KCNA4: variants seen among roughly 807,000 people sequenced by gnomAD.
KCNA4 encodes the protein potassium voltage-gated channel subfamily A member 4, also known as cardiac potassium channel.
KCNA4 carries 5 observed loss-of-function variants against 37.2 expected under a neutral mutation model. The ratio of observed to expected loss-of-function variants is 0.13; its 90% confidence interval spans 0.07 to 0.28. The LOEUF (loss-of-function observed/expected upper bound fraction) is 0.28. Among genes scored for constraint, KCNA4 ranks in the 10% least tolerant of loss-of-function variants. The probability of loss-of-function intolerance (pLI) is 1.00; values close to 1 mark genes in which losing one functional copy is unlikely to be tolerated. For missense variants in KCNA4, 634 were observed against 817.4 expected, an observed-to-expected ratio of 0.78 and a Z score of 2.74; for synonymous variants, 350 against 311.8, an observed-to-expected ratio of 1.12 and a Z score of -1.29.
chr11:30,010,676 T>C lies in KCNA4; in HGVS notation c.*41A>G. The C allele has an allele frequency of 6.4e-7, 1 of 1,552,150 alleles. No individual in the cohort carries two copies. The highest frequency in any genetic ancestry group is 1.3e-5 in the South Asian group (1 of 78,086). The stretch of plus-strand genomic sequence containing the variant: ...TGCACTCTCTATGCATAAATATATT[T>C]GGAGATGCTGAGGGGGGAGCAGTGG... On this transcript the variant is annotated 3_prime_UTR_variant, in exon 2 of 2. Coordinates refer to ENST00000328224, the MANE Select transcript of KCNA4 (RefSeq NM_002233.4).
rs1205749781 is a variant in KCNA4, at chr11:30,013,280, C to A, written c.-602G>T. The A allele has an allele frequency of 6.0e-6, 1 of 167,082 alleles. No individual in the cohort carries two copies. The highest frequency in any genetic ancestry group is 1.9e-4 in the East Asian group (1 of 5,190). The allele number at this position is 167,082 out of a possible 1,614,324, so 10.3% of individuals were successfully genotyped here. A position where few individuals can be genotyped will look rare whatever the true frequency, so the allele number is the denominator to read the frequency against. ...ATTCTCCAGGCTCTCCTTTTAAGTT[C>A]ATCAAAGGCTTCCTGTACCCAGGTA... On this transcript the variant is annotated 5_prime_UTR_variant, in exon 2 of 2. It removes an upstream start codon present in the reference 5' UTR. Transcript: ENST00000328224.
At chr11:30,014,928 AT>A (rs1486832228) in intron 1 of KCNA4, among the ~76,000 whole-genome samples, 3 of 152,158 alleles carry the variant, frequency 2.0e-5, no homozygotes. Flanking sequence ...TTCTGAAGCC[AT>A]TAACAGGATT....
chr11:30,016,933 A>T lies in KCNA4; in HGVS notation c.-1144T>A. On this transcript the variant is annotated 5_prime_UTR_variant, in exon 1 of 2. An upstream open reading frame in the 5' UTR loses its in-frame stop. Coordinates refer to ENST00000328224, the MANE Select transcript of KCNA4 (RefSeq NM_002233.4). ...AACAAAATCCTAGACAGCAGCGATC[A>T]CTTGTTAAGCCCGAATTCCTCCTCC... 1 of 398,852 alleles carries T rather than the reference A, an allele frequency of 2.5e-6. No individual in the cohort carries two copies. Among genetic ancestry groups the T allele is most frequent in the Non-Finnish European group, 4.4e-6 (1 of 226,258 alleles). 24.7% of individuals were successfully genotyped at this position (398,852 alleles called of 1,614,324 possible). A position where few individuals can be genotyped will look rare whatever the true frequency, so the allele number is the denominator to read the frequency against.
At chr11:30,014,903 A>G (rs887069398) in intron 1 of KCNA4, among the ~76,000 whole-genome samples, 7 of 152,284 alleles carry the variant, frequency 4.6e-5, no homozygotes, top group African/African-American at 1.7e-4. Context: ...CTTGGAAAGC[A>G]TAAGAGAAAT....
chr11:30,010,696 C>G lies in KCNA4; in HGVS notation c.*21G>C. On this transcript the variant is annotated 3_prime_UTR_variant, in exon 2 of 2. Transcript: ENST00000328224. Reference sequence around the variant, plus strand: ...ATATTTGGAGATGCTGAGGGGGGAGCAGTGGCAGGTGGAAAAAGATTCACA... The same window carrying G: ...ATATTTGGAGATGCTGAGGGGGGAGGAGTGGCAGGTGGAAAAAGATTCACA... 6.4e-7 allele frequency: 1 copy of G among 1,571,570 alleles called. No homozygotes were observed. The highest frequency in any genetic ancestry group is 8.6e-7 in the Non-Finnish European group (1 of 1,161,352).
chr11:30,013,047 C>T lies in KCNA4; in HGVS notation c.-369G>A, dbSNP rs1023124982. The T allele has an allele frequency of 4.1e-5, 8 of 192,816 alleles. No individual in the cohort carries two copies. Among genetic ancestry groups the T allele is most frequent in the East Asian group, 1.5e-4 (1 of 6,628 alleles). 11.9% of individuals were successfully genotyped at this position (192,816 alleles called of 1,614,324 possible). A position where few individuals can be genotyped will look rare whatever the true frequency, so the allele number is the denominator to read the frequency against. On this transcript the variant is annotated 5_prime_UTR_variant, in exon 2 of 2. Transcript: ENST00000328224. Reference sequence around the variant, plus strand: ...GTGATGTTGCTGCAAGATTCAAAGGCAGCAAGTGTCTGACAGCCAGAAGTT... The same window carrying T: ...GTGATGTTGCTGCAAGATTCAAAGGTAGCAAGTGTCTGACAGCCAGAAGTT...
Position 30,011,178 on chromosome 11 carries a change from C to T in KCNA4, c.1501G>A (p.Ala501Thr), listed in dbSNP as rs757484309. 6.2e-7 allele frequency: 1 copy of T among 1,614,130 alleles called. No homozygotes were observed. ...TGGAAATGGGTAGTAGGTTCATCCG[C>T]CTCTGCAAAATACACAGCACTAGAA... ...LFSSAVYFAE[A>T]DEPTTHFQSI... The change falls in exon 2 of 2, where the codon GCG (alanine) becomes ACG (threonine). Residue 501 changes from alanine (A) to threonine (T), a missense_variant. By Grantham distance (58) the Ala-to-Thr change is moderately conservative (BLOSUM62 0). Coordinates refer to ENST00000328224, the MANE Select transcript of KCNA4 (RefSeq NM_002233.4). The surrounding 1 kb of genome is among the most constrained non-coding windows in gnomAD (Gnocchi z 5.6).
At position 30,012,916 on chromosome 11, in the gene KCNA4, GC is replaced by G. The variant is rs1374047070; in HGVS notation, c.-239del. 2 of 466,022 alleles carry G rather than the reference GC, an allele frequency of 4.3e-6. No individual in the cohort carries two copies. The highest frequency in any genetic ancestry group is 7.4e-6 in the Non-Finnish European group (2 of 269,638). 28.9% of individuals were successfully genotyped at this position (466,022 alleles called of 1,614,324 possible). On this transcript the variant is annotated 5_prime_UTR_variant, in exon 2 of 2. Transcript: ENST00000328224. ...AGAGCTTGGCTGGTCGAGATAAATAGCCTGGCACTCTCAAGACTAAGAAGTC... is the reference window on the plus strand; with the variant it reads ...AGAGCTTGGCTGGTCGAGATAAATAGCTGGCACTCTCAAGACTAAGAAGTC...
Position 30,016,929 on chromosome 11 carries a change from G to A in KCNA4, c.-1140C>T, listed in dbSNP as rs1417541739. The A allele has an allele frequency of 2.5e-6, 1 of 398,842 alleles. No homozygotes were observed. The highest frequency in any genetic ancestry group is 2.1e-5 in the African/African-American group (1 of 48,748). 24.7% of individuals were successfully genotyped at this position (398,842 alleles called of 1,614,324 possible). A position where few individuals can be genotyped will look rare whatever the true frequency, so the allele number is the denominator to read the frequency against. On this transcript the variant is annotated 5_prime_UTR_variant, in exon 1 of 2. Coordinates refer to ENST00000328224, the MANE Select transcript of KCNA4 (RefSeq NM_002233.4). ...AAGAAACAAAATCCTAGACAGCAGCGATCACTTGTTAAGCCCGAATTCCTC... is the reference window on the plus strand; with the variant it reads ...AAGAAACAAAATCCTAGACAGCAGCAATCACTTGTTAAGCCCGAATTCCTC...
Position 30,012,421 on chromosome 11 carries a change from C to T in KCNA4, c.258G>A (p.Arg86=), listed in dbSNP as rs540569438. 1 of 1,613,688 alleles carries T rather than the reference C, an allele frequency of 6.2e-7. No homozygotes were observed. Among genetic ancestry groups the T allele is most frequent in the Admixed American group, 1.7e-5 (1 of 60,006 alleles). Residue 86 remains arginine (R), a synonymous_variant, in exon 2 of 2, where the codon AGG becomes AGA. Coordinates refer to ENST00000328224, the MANE Select transcript of KCNA4 (RefSeq NM_002233.4). ...PQSSRGSRRR[R]RQRSEKKKAH... ...CTTTCTTCTTCTCAGACCGCTGTCG[C>T]CTCCTCCTCCGACTACCCCGGCTGC...
Position 30,011,723 on chromosome 11 carries a change from A to G in KCNA4, c.956T>C (p.Ile319Thr), listed in dbSNP as rs1176398747. 6.2e-7 allele frequency: 1 copy of G among 1,613,938 alleles called. No individual in the cohort carries two copies. The highest frequency in any genetic ancestry group is 1.7e-5 in the Admixed American group (1 of 59,972). ...IAIVSVLVIL[I>T]SIVIFCLETL... The stretch of plus-strand genomic sequence containing the variant: ...TTCCAGGCAAAAGATGACAATGGAG[A>G]TTAAGATGACCAGGACGGACACAAT... Residue 319 changes from isoleucine to threonine, a missense_variant, in exon 2 of 2, where the codon ATC becomes ACC. By Grantham distance (89) the Ile-to-Thr change is moderately conservative. This residue lies in a region of KCNA4 where 252 missense variants were observed against 344.2 expected (regional missense o/e 0.73). Coordinates refer to ENST00000328224, the MANE Select transcript of KCNA4 (RefSeq NM_002233.4). The surrounding 1 kb of genome is among the most constrained non-coding windows in gnomAD (Gnocchi z 5.6).
intron 1 of KCNA4, among the ~76,000 whole-genome samples, chr11:30,014,900 A>T (rs1437485843): frequency 2.0e-5 from 3 of 152,130 alleles, no homozygotes; most frequent in Non-Finnish European, 4.4e-5. Context: ...GCACTTGGAA[A>T]GCATAAGAGA....
In KCNA4 at chr11:30,011,625, T is replaced by C. The variant is rs1167185649; in HGVS notation, c.1054A>G (p.Asn352Asp). 3 of 1,613,928 alleles carry C rather than the reference T, an allele frequency of 1.9e-6. No individual in the cohort carries two copies. The highest frequency in any genetic ancestry group is 2.2e-5 in the South Asian group (2 of 91,052). Residue 352 changes from asparagine to aspartate, a missense_variant, in exon 2 of 2, where the codon AAT (asparagine) becomes GAT (aspartate). Asn to Asp is a conservative substitution (Grantham distance 23, BLOSUM62 1). Transcript: ENST00000328224. The surrounding 1 kb of genome is among the most constrained non-coding windows in gnomAD (Gnocchi z 5.6). Reference protein sequence around the residue: ...LSAGGHGGLLNDTSAPHLENS... With the variant: ...LSAGGHGGLLDDTSAPHLENS... ...TCCAGATGGGGTGCTGAAGTATCATTCAACAACCCACCATGCCCGCCAGCA... is the reference window on the plus strand; with the variant it reads ...TCCAGATGGGGTGCTGAAGTATCATCCAACAACCCACCATGCCCGCCAGCA...
chr11:30,013,596 T>C (rs998628753), intron 1 of KCNA4, 136 bp from the exon 2 acceptor site: 2 of 152,390 alleles, frequency 1.3e-5, no homozygotes, highest in Non-Finnish European at 2.9e-5. Flanking sequence ...CAAGCACCAA[T>C]ATTTTCAAGA....
chr11:30,012,560 G>T lies in KCNA4; in HGVS notation c.119C>A (p.Ala40Glu). ...RERLAHSRAA[A>E]AAAVAAATAA... The stretch of plus-strand genomic sequence containing the variant: ...TGTGGCCGCTGCAACAGCAGCTGCT[G>T]CAGCTGCCCTGGAGTGAGCAAGCCT... The change falls in exon 2 of 2, where the codon GCA becomes GAA. Residue 40 changes from alanine to glutamate, a missense_variant. Ala to Glu is a moderately radical substitution (Grantham distance 107, BLOSUM62 -1). Transcript: ENST00000328224. 6.2e-7 allele frequency: 1 copy of T among 1,607,480 alleles called. No homozygotes were observed. Among genetic ancestry groups the T allele is most frequent in the Non-Finnish European group, 8.5e-7 (1 of 1,179,942 alleles).
chr11:30,013,249 A>G lies in KCNA4; in HGVS notation c.-571T>C, dbSNP rs1850323485. On this transcript the variant is annotated 5_prime_UTR_variant, in exon 2 of 2. The change abolishes the stop of an existing upstream ORF in the 5' untranslated region. Transcript: ENST00000328224. Reference sequence around the variant, plus strand: ...CAGCCATTTCTACTCAAAGTCTATCAGGATGATTCTCCAGGCTCTCCTTTT... The same window carrying G: ...CAGCCATTTCTACTCAAAGTCTATCGGGATGATTCTCCAGGCTCTCCTTTT... 6.0e-6 allele frequency: 1 copy of G among 167,172 alleles called. No individual in the cohort carries two copies. The highest frequency in any genetic ancestry group is 6.5e-5 in the Admixed American group (1 of 15,292). The allele number at this position is 167,172 out of a possible 1,614,324, so 10.4% of individuals were successfully genotyped here. A position where few individuals can be genotyped will look rare whatever the true frequency, so the allele number is the denominator to read the frequency against.
chr11:30,015,426 C>T (rs564776721), intron 1 of KCNA4, among the ~76,000 whole-genome samples: 64 of 152,280 alleles, frequency 4.2e-4, no homozygotes, highest in Non-Finnish European at 6.9e-4. Context: ...GCCTTCCCAC[C>T]CAACTGACTC....
chr11:30,012,158 C>T lies in KCNA4; in HGVS notation c.521G>A (p.Cys174Tyr). 1 of 1,614,238 alleles carries T rather than the reference C, an allele frequency of 6.2e-7. No individual in the cohort carries two copies. Among genetic ancestry groups the T allele is most frequent in the Non-Finnish European group, 8.5e-7 (1 of 1,180,044 alleles). ...CACATTTATCACCACACGTTCACAA[C>T]AGTCACTGTAGCGGACTGAACTGTA... ...GGYSSVRYSD[C>Y]CERVVINVSG... The change falls in exon 2 of 2, where the codon TGT becomes TAT. Residue 174 changes from cysteine to tyrosine, a missense_variant. Cys to Tyr is a radical substitution (Grantham distance 194, BLOSUM62 -2). This residue lies in a region of KCNA4 where 236 missense variants were observed against 229.5 expected (regional missense o/e 1.03). Transcript: ENST00000328224.
chr11:30,015,150 GC>G (rs1564937051), intron 1 of KCNA4, among the ~76,000 whole-genome samples: 1 of 152,104 alleles, frequency 6.6e-6, no homozygotes, highest in Non-Finnish European at 1.5e-5. Context: ...CATCTCACAT[GC>G]CATCTCCCTT....
Sources: gnomAD v4.1 joint callset for allele counts (sites outside exome capture counted in the v4.1 genomes callset) on GRCh38, gnomAD v4.1.1 for gene constraint, gnomAD v4.1.1 regional missense constraint, Gnocchi (gnomAD v3.1) non-coding constraint, MANE v1.5 for transcripts, NCBI Gene and HGNC (gene_info 2026-07-23, HGNC 2026-07-21) for gene names.